Variants in ZNF276 observed in about 807,000 individuals in gnomAD.
ZNF276 encodes zinc finger protein 276, also known as centromere protein Z.
A neutral mutation model predicts 63.9 loss-of-function variants in ZNF276; 59 were observed. That is an observed-to-expected ratio of 0.92 (90% CI 0.75 to 1.15). The LOEUF (loss-of-function observed/expected upper bound fraction) is 1.15, where lower values mean the gene tolerates loss of function less well. ZNF276 is among the 50% of genes most tolerant of loss of function. The probability of loss-of-function intolerance (pLI) is 0.00; values close to 1 mark genes in which losing one functional copy is unlikely to be tolerated. For missense variants in ZNF276, 1,084 were observed against 843.8 expected, an observed-to-expected ratio of 1.28 and a Z score of -3.53; for synonymous variants, 496 against 348.4, an observed-to-expected ratio of 1.42 and a Z score of -4.72.
In ZNF276 at chr16:89,729,303, C is replaced by T. The variant is rs1739532303; in HGVS notation, c.1154C>T (p.Pro385Leu). Residue 385 changes from proline to leucine, a missense_variant, in exon 6 of 11, where the codon CCT (proline) becomes CTT (leucine). Pro to Leu is a moderately conservative substitution (Grantham distance 98, BLOSUM62 -3). Transcript: ENST00000443381. Reference protein sequence around the residue: ...NAQSSDESFEPYPERKVSGKK... With the variant: ...NAQSSDESFELYPERKVSGKK... ...CAGTCTTCGGACGAGTCCTTTGAGC[C>T]TTACCCAGAAAGGAAGTAAGTGGGC... The T allele has an allele frequency of 6.2e-7, 1 of 1,614,116 alleles. No homozygotes were observed. The highest frequency in any genetic ancestry group is 8.5e-7 in the Non-Finnish European group (1 of 1,180,000).
At position 89,739,935 on chromosome 16, in the gene ZNF276, C is replaced by A. The variant is rs11647746; in HGVS notation, c.*1689C>A. ...AGGAGGGCTCGTTCTTAACCATTTG[C>A]AAGATGCCTCTGAAAAGAGCGGCCC... On this transcript the variant is annotated 3_prime_UTR_variant, in exon 11 of 11. Coordinates refer to ENST00000443381, the MANE Select transcript of ZNF276 (RefSeq NM_001113525.2). 154,887 of 1,605,564 alleles carry A rather than the reference C, an allele frequency of 0.096. 8,244 individuals carry two copies. Among genetic ancestry groups the A allele is most frequent in the East Asian group, 0.17 (7,680 of 44,646 alleles).
At chr16:89,735,510 C>G (rs992640282) in intron 9 of ZNF276, among the ~76,000 whole-genome samples, 5 of 113,152 alleles carry the variant, frequency 4.4e-5, no homozygotes, top group Admixed American at 9.3e-5. Context: ...GCAGCACTTC[C>G]TTGGGTTTGG....
Position 89,721,858 on chromosome 16 carries a change from C to G in ZNF276, c.205+13C>G. On this transcript the variant is annotated intron_variant, in intron 1 of 10. Transcript: ENST00000443381. ...GCGGACGAGGCAGGTGGGTCCGCGG[C>G]CCGGGCGTGGCGGGTTGGGGTCGCG... 8.3e-7 allele frequency: 1 copy of G among 1,203,514 alleles called. No homozygotes were observed. 74.6% of individuals were successfully genotyped at this position (1,203,514 alleles called of 1,614,324 possible). A position where few individuals can be genotyped will look rare whatever the true frequency, so the allele number is the denominator to read the frequency against.
rs915983602 is a variant in ZNF276 at position 89,738,710 on chromosome 16, T to C, written c.*464T>C. ...GCAGTCCCCACGATCAGCCAGCAGC[T>C]GTGAGAGAGGAGCAGGTCCTCAGCC... is the stretch of plus-strand genomic sequence containing the variant. On this transcript the variant is annotated 3_prime_UTR_variant, in exon 11 of 11. Transcript: ENST00000443381. The C allele has an allele frequency of 1.2e-6, 2 of 1,613,838 alleles. No individual in the cohort carries two copies. Among genetic ancestry groups the C allele is most frequent in the Non-Finnish European group, 8.5e-7 (1 of 1,179,924 alleles).
At chr16:89,733,846 C>A in intron 8 of ZNF276, 75 bp from the exon 9 acceptor site, 2 of 1,382,814 alleles carry the variant, frequency 1.4e-6, no homozygotes, top group Non-Finnish European at 1.0e-6. Context: ...GGGGCCTCAG[C>A]TGTCACCTAC....
chr16:89,733,876 G>GC, intron 8 of ZNF276, 45 bp from the exon 9 acceptor site: 1 of 1,590,944 alleles, frequency 6.3e-7, no homozygotes, highest in Non-Finnish European at 8.6e-7. Context: ...GTGCCATGTG[G>GC]CCCGGGTGCG....
intron 1 of ZNF276, 63 bp downstream of exon 1, chr16:89,721,908 C>G (rs1047851356): frequency 4.6e-6 from 5 of 1,094,648 alleles, no homozygotes; most frequent in African/African-American, 1.6e-5. Context: ...TGGGAGGAGC[C>G]GCACTGACGC....
At chr16:89,736,215 G>A (rs1443469353) in intron 9 of ZNF276, among the ~76,000 whole-genome samples, 1 of 152,066 alleles carries the variant, frequency 6.6e-6, no homozygotes, top group Non-Finnish European at 1.5e-5. Flanking sequence ...TAGTAGAGAG[G>A]CAGGTTTTGC....
chr16:89,736,769 TG>T (rs1452244805), intron 9 of ZNF276, among the ~76,000 whole-genome samples: 1 of 116,266 alleles, frequency 8.6e-6, no homozygotes, highest in Non-Finnish European at 1.6e-5. Flanking sequence ...CACTTCAACC[TG>T]GGCAACAGAG....
At chr16:89,727,406 C>T (rs1489704837) in intron 5 of ZNF276, 49 bp downstream of exon 5, 1 of 1,582,536 alleles carries the variant, frequency 6.3e-7, no homozygotes, top group African/African-American at 1.4e-5. Flanking sequence ...CTTCAAAAAC[C>T]ATCAGTGACC....
Position 89,740,171 on chromosome 16 carries a change from C to T in ZNF276, c.*1925C>T. On this transcript the variant is annotated 3_prime_UTR_variant, in exon 11 of 11. Coordinates refer to ENST00000443381, the MANE Select transcript of ZNF276 (RefSeq NM_001113525.2). The stretch of plus-strand genomic sequence containing the variant: ...CCCATGGGTAGGAGGGTACAGCCCT[C>T]AGCACAGAAGAGGGCATTTCCTCTT... 6.7e-6 allele frequency: 8 copies of T among 1,201,836 alleles called. No individual in the cohort carries two copies. The highest frequency in any genetic ancestry group is 4.8e-5 in the South Asian group (4 of 82,640). The allele number at this position is 1,201,836 out of a possible 1,614,324, so 74.4% of individuals were successfully genotyped here.
At chr16:89,720,979 G>A (rs2061250642), upstream of ZNF276, 3 of 1,020,764 alleles carry the variant, frequency 2.9e-6, no homozygotes, top group Non-Finnish European at 1.3e-6. Context: ...AGGAAGGGAC[G>A]CGGCCGCACT....
intron 6 of ZNF276, among the ~76,000 whole-genome samples, chr16:89,729,563 C>T (rs2061579818): frequency 6.6e-6 from 1 of 152,194 alleles, no homozygotes; most frequent in Admixed American, 6.5e-5. Flanking sequence ...GAGGCTGCCT[C>T]AGAGTCCCAG....
intron 9 of ZNF276, 142 bp from the exon 10 acceptor site, chr16:89,737,664 T>G: frequency 6.7e-7 from 1 of 1,491,764 alleles, no homozygotes; most frequent in Non-Finnish European, 9.0e-7. Flanking sequence ...GAGGCCCTCA[T>G]AGGCCCCTTG....
chr16:89,722,510 A>G lies in ZNF276; in HGVS notation c.206-21A>G, dbSNP rs369063027. ...GGAGCCTCCTTTGCCAGCTGCTAACACTTCCTGCCGCTCTGTGCAGGAGCA... is the reference window on the plus strand; with the variant it reads ...GGAGCCTCCTTTGCCAGCTGCTAACGCTTCCTGCCGCTCTGTGCAGGAGCA... On this transcript the variant is annotated intron_variant, in intron 1 of 10. Transcript: ENST00000443381. 1.0e-3 allele frequency: 1,649 copies of G among 1,591,888 alleles called. 1 individual carries two copies. Among genetic ancestry groups the G allele is most frequent in the Non-Finnish European group, 1.1e-3 (1,328 of 1,167,468 alleles).
intron 5 of ZNF276, among the ~76,000 whole-genome samples, chr16:89,728,183 T>G (rs1255018728): frequency 6.7e-6 from 1 of 149,364 alleles, no homozygotes; most frequent in East Asian, 2.0e-4. Context: ...GCTGAGGTTA[T>G]AGCATAAAGG....
chr16:89,730,449 G>C (rs1216999550), intron 6 of ZNF276, among the ~76,000 whole-genome samples: 1 of 152,134 alleles, frequency 6.6e-6, no homozygotes, highest in African/African-American at 2.4e-5. Flanking sequence ...GCTGGGATGG[G>C]AGGAGCCAGG....
rs1567591566 is a variant in ZNF276, at chr16:89,738,805, C to G, written c.*559C>G. The G allele has an allele frequency of 5.0e-6, 8 of 1,613,680 alleles. No homozygotes were observed. The highest frequency in any genetic ancestry group is 5.9e-6 in the Non-Finnish European group (7 of 1,179,846). On this transcript the variant is annotated 3_prime_UTR_variant, in exon 11 of 11. Coordinates refer to ENST00000443381, the MANE Select transcript of ZNF276 (RefSeq NM_001113525.2). ...AGAAATAGTCGAGTTGTATTGCCAG[C>G]CAGGCAGGCACATGGCCCAGGCAGC... is the stretch of plus-strand genomic sequence containing the variant.
In ZNF276 at chr16:89,739,502, C is replaced by T; in HGVS notation, c.*1256C>T. 1.9e-6 allele frequency: 3 copies of T among 1,551,384 alleles called. No individual in the cohort carries two copies. The highest frequency in any genetic ancestry group is 1.2e-5 in the South Asian group (1 of 84,080). On this transcript the variant is annotated 3_prime_UTR_variant, in exon 11 of 11. Coordinates refer to ENST00000443381, the MANE Select transcript of ZNF276 (RefSeq NM_001113525.2). Reference sequence around the variant, plus strand: ...CCTGTAAAAAGCGAAAGGCAGCAGCCTGGTGTGCTGATCCGGGGCCACACG... The same window carrying T: ...CCTGTAAAAAGCGAAAGGCAGCAGCTTGGTGTGCTGATCCGGGGCCACACG...
Sources: gnomAD v4.1 joint callset for allele counts (sites outside exome capture counted in the v4.1 genomes callset) on GRCh38, gnomAD v4.1.1 for gene constraint, MANE v1.5 for transcripts, NCBI Gene and HGNC (gene_info 2026-07-23, HGNC 2026-07-21) for gene names.